Variants in LYSMD3 observed in about 807,000 individuals in gnomAD.
LYSMD3 encodes the protein lysM and putative peptidoglycan-binding domain-containing protein 3.
LYSMD3 carries 13 observed loss-of-function variants against 26.1 expected under a neutral mutation model. That is an observed-to-expected ratio of 0.50 (90% CI 0.32 to 0.79). The LOEUF is 0.79. LYSMD3 is among the 30% of genes least tolerant of loss of function. The pLI is 0.03. For missense variants in LYSMD3, 331 were observed against 362.5 expected (o/e 0.91, Z 0.71); for synonymous variants, 109 against 119.4 (o/e 0.91, Z 0.57).
intron 1 of LYSMD3, among the ~76,000 whole-genome samples, chr5:90,527,731 A>G (rs1753258644): frequency 6.6e-6 from 1 of 152,292 alleles, no homozygotes; most frequent in South Asian, 2.1e-4. Flanking sequence ...ATCCAAAGAA[A>G]TCTGAAACAC....
chr5:90,523,700 G>A (rs146183867), intron 2 of LYSMD3, among the ~76,000 whole-genome samples: 2 of 152,206 alleles, frequency 1.3e-5, no homozygotes, highest in East Asian at 3.9e-4. Flanking sequence ...CACTCTAACA[G>A]TCTTATTTTT....
chr5:90,519,468 C>G lies in LYSMD3; in HGVS notation c.272G>C (p.Arg91Thr). ...QYCCTVADIKRVNNLISDQDF... is the reference protein window; with the variant it reads ...QYCCTVADIKTVNNLISDQDF... ...TTGATCACTGATGAGATTGTTAACT[C>G]TCTTGATATCTGCTACCTGTGGGGG... Residue 91 changes from arginine (R) to threonine (T), a missense_variant, in exon 3 of 3, where the codon AGA becomes ACA. Arg to Thr is a moderately conservative substitution (Grantham distance 71, BLOSUM62 -1). Coordinates refer to ENST00000315948, the MANE Select transcript of LYSMD3 (RefSeq NM_198273.2). 1 of 1,605,504 alleles carries G rather than the reference C, an allele frequency of 6.2e-7. No individual in the cohort carries two copies. The highest frequency in any genetic ancestry group is 8.5e-7 in the Non-Finnish European group (1 of 1,177,314).
At chr5:90,529,406 C>T in intron 1 of LYSMD3, 42 bp downstream of exon 1, 1 of 456,470 alleles carries the variant, frequency 2.2e-6, no homozygotes, top group South Asian at 1.5e-5. Context: ...CAACCCCGCC[C>T]TCCTGGACCG....
chr5:90,528,897 TTAAC>T lies in LYSMD3; in HGVS notation c.-12+547_-12+550del, dbSNP rs567907526. Among the ~76,000 whole-genome samples, 450 of 152,322 alleles carry T rather than the reference TTAAC, an allele frequency of 3.0e-3. 1 individual carries two copies. The highest frequency in any genetic ancestry group is 5.4e-3 in the Admixed American group (83 of 15,302). ...GCTGGGTGTTTCGCCTTGACCTTCT[TTAAC>T]TAAGCAAGGTGCAATAAGAGGGTCA... On this transcript the variant is annotated intron_variant, in intron 1 of 2. Coordinates refer to ENST00000315948, the MANE Select transcript of LYSMD3 (RefSeq NM_198273.2).
chr5:90,528,485 T>C (rs1310272708), intron 1 of LYSMD3, among the ~76,000 whole-genome samples: 8 of 152,130 alleles, frequency 5.3e-5, no homozygotes, highest in Non-Finnish European at 1.2e-4. Flanking sequence ...AATTTAAAGG[T>C]CAGAACTTCA....
chr5:90,522,212 C>G (rs1446696765), intron 2 of LYSMD3, among the ~76,000 whole-genome samples: 1 of 152,190 alleles, frequency 6.6e-6, no homozygotes, highest in Non-Finnish European at 1.5e-5. Flanking sequence ...TCTTCCTGCT[C>G]CAGCCATGTG....
chr5:90,521,920 C>A (rs1251890817), intron 2 of LYSMD3, among the ~76,000 whole-genome samples: 2 of 152,028 alleles, frequency 1.3e-5, no homozygotes, highest in Non-Finnish European at 2.9e-5. Flanking sequence ...AATGATAGAT[C>A]CTTTTATAAT....
At position 90,518,889 on chromosome 5, in the gene LYSMD3, A is replaced by T. The variant is rs1406656265; in HGVS notation, c.851T>A (p.Phe284Tyr). The T allele has an allele frequency of 1.1e-5, 17 of 1,613,920 alleles. No individual in the cohort carries two copies. Among genetic ancestry groups the T allele is most frequent in the Non-Finnish European group, 1.4e-5 (17 of 1,179,954 alleles). The change falls in exon 3 of 3, where the codon TTC becomes TAC. Residue 284 changes from phenylalanine (F) to tyrosine (Y), a missense_variant. This residue lies in a region of LYSMD3 where 61 missense variants were observed against 66.8 expected (regional missense o/e 0.91). Transcript: ENST00000315948. ...CAGTTTATGATCATCTTGTTGGCTG[A>T]AATGTATTCCTTTAGTTGGCACAAT... ...NGIVPTKGIH[F>Y]SQQDDHKLYS... is the part of the protein sequence containing the mutation.
At chr5:90,526,634 T>C (rs1040203343) in intron 1 of LYSMD3, among the ~76,000 whole-genome samples, 3 of 152,186 alleles carry the variant, frequency 2.0e-5, no homozygotes, top group Non-Finnish European at 4.4e-5. Flanking sequence ...TAAAATTCTT[T>C]GCACTCAAGG....
intron 2 of LYSMD3, among the ~76,000 whole-genome samples, chr5:90,520,926 A>G (rs1341786960): frequency 4.6e-5 from 7 of 152,140 alleles, no homozygotes; most frequent in Non-Finnish European, 8.8e-5. Context: ...CTCAAAAAAA[A>G]AAAAAGTAAT....
At position 90,521,879 on chromosome 5, in the gene LYSMD3, A is replaced by G. The variant is rs902556639; in HGVS notation, c.256-2395T>C. 3.9e-5 allele frequency among the ~76,000 whole-genome samples: 6 copies of G among 152,266 alleles called. No homozygotes were observed. In the East Asian group the frequency reaches 1.2e-3, roughly 29 times the overall value. On this transcript the variant is annotated intron_variant, in intron 2 of 2. Coordinates refer to ENST00000315948, the MANE Select transcript of LYSMD3 (RefSeq NM_198273.2). ...ATTCTTAAGATTATTTCTAAGTGGA[A>G]TATACCACTAGCTACTTACTGTATT...
At chr5:90,522,981 C>A (rs922573338) in intron 2 of LYSMD3, among the ~76,000 whole-genome samples, 1 of 152,146 alleles carries the variant, frequency 6.6e-6, no homozygotes, top group Non-Finnish European at 1.5e-5. Flanking sequence ...AAGCTAATGT[C>A]TTATAAAACT....
chr5:90,519,386 G>C lies in LYSMD3; in HGVS notation c.354C>G (p.Thr118=). ...KIPVKKFSSL[T]ETLCPPKGRQ... ...TTCCTTTTGGAGGACAAAGTGTTTC[G>C]GTCAAGGAACTGAACTTTTTTACTG... Residue 118 remains threonine (T), a synonymous_variant, in exon 3 of 3, where the codon ACC becomes ACG. Coordinates refer to ENST00000315948, the MANE Select transcript of LYSMD3 (RefSeq NM_198273.2). 1 of 1,613,836 alleles carries C rather than the reference G, an allele frequency of 6.2e-7. No individual in the cohort carries two copies. The highest frequency in any genetic ancestry group is 8.5e-7 in the Non-Finnish European group (1 of 1,179,906).
At position 90,518,734 on chromosome 5, in the gene LYSMD3, G is replaced by T; in HGVS notation, c.*85C>A. The T allele has an allele frequency of 3.9e-6, 5 of 1,298,156 alleles. No individual in the cohort carries two copies. Among genetic ancestry groups the T allele is most frequent in the Non-Finnish European group, 5.3e-6 (5 of 940,690 alleles). 80.4% of individuals were successfully genotyped at this position (1,298,156 alleles called of 1,614,324 possible). On this transcript the variant is annotated 3_prime_UTR_variant, in exon 3 of 3. Coordinates refer to ENST00000315948, the MANE Select transcript of LYSMD3 (RefSeq NM_198273.2). Reference sequence around the variant, plus strand: ...AGCATCCTCAATCTCTCTAAATTCTGCCTTTGAAGCTATTATTGGATATAA... The same window carrying T: ...AGCATCCTCAATCTCTCTAAATTCTTCCTTTGAAGCTATTATTGGATATAA...
chr5:90,527,643 GAA>G (rs139749890), intron 1 of LYSMD3, among the ~76,000 whole-genome samples: 8,578 of 151,970 alleles, frequency 0.056, 296 homozygotes, highest in South Asian at 0.14. Context: ...TGTATAAGTT[GAA>G]TATGAAACAC....
In LYSMD3 at chr5:90,525,169, C is replaced by G; in HGVS notation, c.121G>C (p.Glu41Gln). The G allele has an allele frequency of 6.2e-7, 1 of 1,614,084 alleles. No homozygotes were observed. The highest frequency in any genetic ancestry group is 8.5e-7 in the Non-Finnish European group (1 of 1,179,994). ...TTCTCTTTTCCTCTGGATCGAAGTT[C>G]ATACACTTCAGCATCCTCCTCCAAA... Reference protein sequence around the residue: ...DILEEDAEVYELRSRGKEKVR... With the variant: ...DILEEDAEVYQLRSRGKEKVR... Residue 41 changes from glutamate (E) to glutamine (Q), a missense_variant, in exon 2 of 3, where the codon GAA (glutamate) becomes CAA (glutamine). Glu to Gln is a conservative substitution (Grantham distance 29). Around this residue, in one of 3 missense-constraint regions of LYSMD3, gnomAD observed 262 missense variants for 267.3 expected, o/e 0.98. Coordinates refer to ENST00000315948, the MANE Select transcript of LYSMD3 (RefSeq NM_198273.2).
chr5:90,525,349 C>G (rs1349000373), intron 1 of LYSMD3, 49 bp from the exon 2 acceptor site: 9 of 1,514,910 alleles, frequency 5.9e-6, no homozygotes, highest in Non-Finnish European at 8.0e-6. Context: ...GCTGATCCAA[C>G]TGACTGATTT....
chr5:90,525,088 C>T lies in LYSMD3; in HGVS notation c.202G>A (p.Asp68Asn), dbSNP rs1271233994. Residue 68 changes from aspartate (D) to asparagine (N), a missense_variant, in exon 2 of 3, where the codon GAT becomes AAT. Asp to Asn is a conservative substitution (Grantham distance 23). This residue lies in a region of LYSMD3 where 262 missense variants were observed against 267.3 expected (regional missense o/e 0.98). Coordinates refer to ENST00000315948, the MANE Select transcript of LYSMD3 (RefSeq NM_198273.2). ...TTTAATGTATCTCCTTCTTGTATAT[C>T]TTTTGTTAATACTATAATGTCGTCA... is the stretch of plus-strand genomic sequence containing the variant. ...RLDDIIVLTK[D>N]IQEGDTLNAI... The T allele has an allele frequency of 1.2e-6, 2 of 1,613,144 alleles. No homozygotes were observed. Among genetic ancestry groups the T allele is most frequent in the East Asian group, 4.5e-5 (2 of 44,870 alleles).
chr5:90,524,619 G>C (rs758567011), intron 2 of LYSMD3, among the ~76,000 whole-genome samples: 6 of 152,128 alleles, frequency 3.9e-5, no homozygotes, highest in Non-Finnish European at 7.4e-5. Context: ...TGGAGACGGA[G>C]TCTCGCTCGG....
Sources: gnomAD v4.1 joint callset for allele counts (sites outside exome capture counted in the v4.1 genomes callset) on GRCh38, gnomAD v4.1.1 for gene constraint, gnomAD v4.1.1 regional missense constraint, MANE v1.5 for transcripts, NCBI Gene and HGNC (gene_info 2026-07-23, HGNC 2026-07-21) for gene names.